Variants in F8 observed in about 807,000 individuals in gnomAD.
The protein encoded by F8 is antihemophilic factor.
In F8, 12 loss-of-function variants were observed where a neutral mutation model predicts 140.6. That is an observed-to-expected ratio of 0.09 (90% confidence interval 0.05 to 0.14). The LOEUF (loss-of-function observed/expected upper bound fraction) is 0.14, where lower values mean the gene tolerates loss of function less well. Among genes scored for constraint, F8 ranks in the 10% least tolerant of loss-of-function variants. The pLI is 1.00. For synonymous variants in F8, 585 were observed against 614.6 expected (o/e 0.95, Z 0.71); for missense variants, 1,354 against 1,720.7 (o/e 0.79, Z 3.77).
intron 14 of F8, among the ~76,000 whole-genome samples, chrX:154,922,411 C>T (rs113479884): frequency 0.01 from 1,151 of 112,409 alleles, 15 homozygotes; most frequent in African/African-American, 0.036. Flanking sequence ...ACATCTGCCA[C>T]GTGCCAGGCA....
chrX:154,929,121 C>T lies in F8; in HGVS notation c.4669G>A (p.Ala1557Thr). 2 of 1,211,474 alleles carry T rather than the reference C, an allele frequency of 1.7e-6. No individual in the cohort carries two copies. Among genetic ancestry groups the T allele is most frequent in the Non-Finnish European group, 2.2e-6 (2 of 895,473 alleles). ...AAGGGAACTTTTCCAGGTCTGTTTG[C>T]TTCATTCCACTTAATCGCTCCCTCT... is the stretch of plus-strand genomic sequence containing the variant. Reference protein sequence around the residue: ...GTEGAIKWNEANRPGKVPFLR... With the variant: ...GTEGAIKWNETNRPGKVPFLR... The change falls in exon 14 of 26, where the codon GCA becomes ACA. Residue 1557 changes from alanine (A) to threonine (T), a missense_variant. Around this residue, in one of 4 missense-constraint regions of F8, gnomAD observed 658 missense variants for 666.5 expected, o/e 0.99. Transcript: ENST00000360256.
intron 5 of F8, 25 bp from the exon 6 acceptor site, chrX:154,984,828 G>A (rs1238931411): frequency 2.7e-6 from 3 of 1,098,693 alleles, no homozygotes; most frequent in Non-Finnish European, 3.8e-6. Context: ...GGCAAAGATA[G>A]AGTCAGCTAA....
intron 13 of F8, among the ~76,000 whole-genome samples, chrX:154,935,223 C>T (rs782257909): frequency 9.0e-6 from 1 of 111,186 alleles, no homozygotes; most frequent in African/African-American, 3.3e-5. Flanking sequence ...AAAATGTTGC[C>T]AAGGAGAAGA....
chrX:154,954,381 A>G (rs781788538), intron 11 of F8, among the ~76,000 whole-genome samples: 1 of 112,263 alleles, frequency 8.9e-6, no homozygotes, highest in South Asian at 3.7e-4. Context: ...TAACTCCTTA[A>G]AGAACCAAGT....
At chrX:154,962,875 G>C (rs1557281687) in intron 9 of F8, among the ~76,000 whole-genome samples, 2 of 101,401 alleles carry the variant, frequency 2.0e-5, no homozygotes, top group Non-Finnish European at 3.9e-5. Flanking sequence ...TCTCAAGAGA[G>C]AGAGAGAGAG....
rs1557278825 is a variant in F8, at chrX:154,931,361, A to G, written c.2429T>C (p.Leu810Ser). The G allele has an allele frequency of 8.3e-7, 1 of 1,211,176 alleles. No homozygotes were observed. Among genetic ancestry groups the G allele is most frequent in the South Asian group, 1.8e-5 (1 of 56,974 alleles). ...KIQNVSSSDLLMLLRQSPTPH... is the reference protein window; with the variant it reads ...KIQNVSSSDLSMLLRQSPTPH... ...AGTAGGACTCTGTCGCAAGAGCATC[A>G]ACAAATCACTAGAGGAGACATTTTG... The change falls in exon 14 of 26, where the codon TTG (leucine) becomes TCG (serine). Residue 810 changes from leucine to serine, a missense_variant. Leu to Ser is a moderately radical substitution (Grantham distance 145). This residue lies in a region of F8 where 658 missense variants were observed against 666.5 expected (regional missense o/e 0.99). Transcript: ENST00000360256.
intron 1 of F8, among the ~76,000 whole-genome samples, chrX:155,021,552 T>C (rs1557287522): frequency 9.0e-6 from 1 of 110,762 alleles, no homozygotes. Flanking sequence ...CAGAAACTGA[T>C]GCAACAGAAA....
At chrX:154,840,063 T>C (rs1322164703) in intron 25 of F8, among the ~76,000 whole-genome samples, 1 of 112,126 alleles carries the variant, frequency 8.9e-6, no homozygotes, top group African/African-American at 3.2e-5. Context: ...TGTCCCATTA[T>C]TGATGATGCT....
At chrX:154,911,360 C>T (rs920683687) in intron 14 of F8, among the ~76,000 whole-genome samples, 1 of 108,596 alleles carries the variant, frequency 9.2e-6, no homozygotes, top group Non-Finnish European at 1.9e-5. Context: ...CCATCCCACC[C>T]CCCCATACCA....
chrX:154,929,197 A>G lies in F8; in HGVS notation c.4593T>C (p.Asn1531=), dbSNP rs1557278392. The G allele has an allele frequency of 8.3e-7, 1 of 1,211,765 alleles. No homozygotes were observed. Among genetic ancestry groups the G allele is most frequent in the Non-Finnish European group, 1.1e-6 (1 of 895,444 alleles). ...QKDLFPTETS[N]GSPGHLDLVE... is the part of the protein sequence containing the mutation. The stretch of plus-strand genomic sequence containing the variant: ...CGAGATCCAGATGGCCAGGAGACCC[A>G]TTGCTAGTTTCCGTAGGGAATAGGT... Residue 1531 remains asparagine (N), a synonymous_variant, in exon 14 of 26, where the codon AAT becomes AAC. Coordinates refer to ENST00000360256, the MANE Select transcript of F8 (RefSeq NM_000132.4).
chrX:154,958,036 G>C (rs781809507), intron 10 of F8, among the ~76,000 whole-genome samples: 1 of 111,534 alleles, frequency 9.0e-6, no homozygotes, highest in Non-Finnish European at 1.9e-5. Context: ...AACAGGTCCT[G>C]CTGCTCTATC....
intron 14 of F8, among the ~76,000 whole-genome samples, chrX:154,912,452 A>T (rs2073073493): frequency 8.9e-6 from 1 of 112,474 alleles, no homozygotes; most frequent in Non-Finnish European, 1.9e-5. Flanking sequence ...CATTTATTGA[A>T]GAGACTATTC....
intron 10 of F8, among the ~76,000 whole-genome samples, chrX:154,957,881 C>CA (rs1398376293): frequency 0.021 from 949 of 44,147 alleles, 5 homozygotes; most frequent in Non-Finnish European, 0.027. Context: ...ACTCTGTCTC[C>CA]AAAAAAAAAA....
At chrX:154,911,704 T>C (rs28795717) in intron 14 of F8, among the ~76,000 whole-genome samples, 1,129 of 112,041 alleles carry the variant, frequency 0.01, 15 homozygotes, top group African/African-American at 0.035. Flanking sequence ...TGATTTCCTG[T>C]CTTTGGATAT....
At position 154,836,857 on chromosome X, in the gene F8, A is replaced by T. The variant is rs1299291044; in HGVS notation, c.*740T>A. On this transcript the variant is annotated 3_prime_UTR_variant, in exon 26 of 26. Transcript: ENST00000360256. ...AGACCAAATGGCTTTATATCTATGG[A>T]CACTCGTCAGAAAAATGCACATTTG... 1.8e-5 allele frequency: 2 copies of T among 111,994 alleles called. No homozygotes were observed. The highest frequency in any genetic ancestry group is 3.8e-5 in the Non-Finnish European group (2 of 53,229). The allele number at this position is 111,994 out of a possible 1,213,427, so 9.2% of individuals were successfully genotyped here.
In F8 at chrX:154,940,050, C is replaced by T. The variant is rs1020847084; in HGVS notation, c.2113+7648G>A. On this transcript the variant is annotated intron_variant, in intron 13 of 25. Coordinates refer to ENST00000360256, the MANE Select transcript of F8 (RefSeq NM_000132.4). ...CATCAAAGACCAAAGGTAGATAAAA[C>T]CACAAAGATGGGGAAAAAACAGAGC... Among the ~76,000 whole-genome samples the T allele has an allele frequency of 4.5e-5, 5 of 110,994 alleles. No individual in the cohort carries two copies. In the Admixed American group the frequency reaches 4.8e-4, roughly 11 times the overall value.
intron 14 of F8, among the ~76,000 whole-genome samples, chrX:154,910,718 G>A (rs1207896248): frequency 3.6e-5 from 4 of 111,681 alleles, no homozygotes; most frequent in Non-Finnish European, 5.7e-5. Flanking sequence ...TCGTGGGAAG[G>A]GAAAGACCTG....
At chrX:154,938,090 T>C (rs1428498962) in intron 13 of F8, among the ~76,000 whole-genome samples, 2 of 112,082 alleles carry the variant, frequency 1.8e-5, no homozygotes, top group Non-Finnish European at 3.8e-5. Flanking sequence ...AAAAGCAACA[T>C]AGTAAATATT....
chrX:154,930,450 A>G lies in F8; in HGVS notation c.3340T>C (p.Ser1114Pro). ...IPPDAQNPDM[S>P]FFKMLFLPES... is the part of the protein sequence containing the mutation. ...GGCAAGAATAGCATCTTAAAGAACG[A>G]CATATCTGGATTTTGTGCATCTGGT... Residue 1114 changes from serine (S) to proline (P), a missense_variant, in exon 14 of 26, where the codon TCG becomes CCG. Physicochemically the swap from Ser to Pro is moderately conservative, Grantham distance 74. Transcript: ENST00000360256. 1 of 1,211,266 alleles carries G rather than the reference A, an allele frequency of 8.3e-7. No individual in the cohort carries two copies. The highest frequency in any genetic ancestry group is 1.1e-6 in the Non-Finnish European group (1 of 895,052).
Sources: gnomAD v4.1 joint callset for allele counts (sites outside exome capture counted in the v4.1 genomes callset) on GRCh38, gnomAD v4.1.1 for gene constraint, gnomAD v4.1.1 regional missense constraint, MANE v1.5 for transcripts, NCBI Gene and HGNC (gene_info 2026-07-23, HGNC 2026-07-21) for gene names.